The following MTR variants were observed in gnomAD, a reference collection of about 807,000 sequenced individuals.
The protein encoded by MTR is 5-methyltetrahydrofolate-homocysteine methyltransferase.
MTR carries 84 observed loss-of-function variants against 154.8 expected under a neutral mutation model. The observed-to-expected ratio is 0.54, with a 90% CI of 0.45 to 0.65. The LOEUF is 0.65. MTR is among the 30% of genes least tolerant of loss of function. The pLI is 0.00. For missense variants in MTR, 1,275 were observed against 1,570.2 expected (o/e 0.81, Z 3.18); for synonymous variants, 554 against 553.9 (o/e 1.00, Z 0.00).
In MTR at chr1:236,899,071, C is replaced by T. The variant is rs1386458797; in HGVS notation, c.*1427C>T. 6.6e-6 allele frequency: 1 copy of T among 152,130 alleles called. No homozygotes were observed. Among genetic ancestry groups the T allele is most frequent in the African/African-American group, 2.4e-5 (1 of 41,418 alleles). 9.4% of individuals were successfully genotyped at this position (152,130 alleles called of 1,614,324 possible). A position where few individuals can be genotyped will look rare whatever the true frequency, so the allele number is the denominator to read the frequency against. ...AGCAAGGGAGGAACAAATGAAGAAC[C>T]ATCTTTGTTCATGAATAGGAATATT... On this transcript the variant is annotated 3_prime_UTR_variant, in exon 33 of 33. Coordinates refer to ENST00000366577, the MANE Select transcript of MTR (RefSeq NM_000254.3).
In MTR at chr1:236,897,748, T is replaced by A; in HGVS notation, c.*104T>A. On this transcript the variant is annotated 3_prime_UTR_variant, in exon 33 of 33. Transcript: ENST00000366577. ...AACAAAAAACCTGTGTGCATCTGGC[T>A]GACACTTACCTGCTTCTGGTTTTCG... 1 of 1,008,984 alleles carries A rather than the reference T, an allele frequency of 9.9e-7. No homozygotes were observed. Among genetic ancestry groups the A allele is most frequent in the Non-Finnish European group, 1.5e-6 (1 of 648,836 alleles). 62.5% of individuals were successfully genotyped at this position (1,008,984 alleles called of 1,614,324 possible). A position where few individuals can be genotyped will look rare whatever the true frequency, so the allele number is the denominator to read the frequency against.
At position 236,903,398 on chromosome 1, in the gene MTR, T is replaced by C. The variant is rs1414310071; in HGVS notation, c.*5754T>C. The C allele has an allele frequency of 2.0e-5, 3 of 152,156 alleles. No individual in the cohort carries two copies. The highest frequency in any genetic ancestry group is 7.2e-5 in the African/African-American group (3 of 41,444). The allele number at this position is 152,156 out of a possible 1,614,324, so 9.4% of individuals were successfully genotyped here. ...TGAAGTAACCCCTAAACTCAGCCAG[T>C]CCCATGTTTTTTTAACACTTGGAAT... On this transcript the variant is annotated 3_prime_UTR_variant, in exon 33 of 33. Coordinates refer to ENST00000366577, the MANE Select transcript of MTR (RefSeq NM_000254.3).
At chr1:236,865,947 A>G (rs1259551457) in intron 22 of MTR, among the ~76,000 whole-genome samples, 2 of 152,216 alleles carry the variant, frequency 1.3e-5, no homozygotes, top group Non-Finnish European at 2.9e-5. Context: ...AGATTTCATC[A>G]TAGTCACATG....
chr1:236,887,685 C>T (rs3768147), intron 27 of MTR, among the ~76,000 whole-genome samples: 53,643 of 152,204 alleles, frequency 0.35, 10,264 homozygotes, highest in East Asian at 0.44. Flanking sequence ...CTGCAGGGTC[C>T]GCCCTGCTGC....
At chr1:236,810,885 G>A (rs780118501) in intron 5 of MTR, among the ~76,000 whole-genome samples, 2 of 152,186 alleles carry the variant, frequency 1.3e-5, no homozygotes, top group Non-Finnish European at 2.9e-5. Flanking sequence ...TGTAAACTCA[G>A]AAGTTGAACA....
chr1:236,827,238 C>T (rs535241218), intron 11 of MTR, among the ~76,000 whole-genome samples: 2 of 152,004 alleles, frequency 1.3e-5, no homozygotes, highest in Non-Finnish European at 2.9e-5. Flanking sequence ...ACTAACCCTG[C>T]CTGACGCCTT....
chr1:236,801,533 T>A (rs1660699171), intron 1 of MTR, among the ~76,000 whole-genome samples: 1 of 152,206 alleles, frequency 6.6e-6, no homozygotes, highest in African/African-American at 2.4e-5. Flanking sequence ...CAATACCAGC[T>A]TACAAATATT....
At chr1:236,826,945 G>A (rs746379137) in intron 11 of MTR, 49 bp downstream of exon 11, 2 of 1,516,562 alleles carry the variant, frequency 1.3e-6, no homozygotes, top group South Asian at 1.1e-5. Flanking sequence ...GGATAATCAG[G>A]TAATAATCTA....
intron 15 of MTR, among the ~76,000 whole-genome samples, chr1:236,838,986 A>C (rs973966268): frequency 6.6e-6 from 1 of 152,222 alleles, no homozygotes; most frequent in Admixed American, 6.5e-5. Flanking sequence ...AATGATATGT[A>C]TTTGTGTATC....
chr1:236,858,614 T>A (rs1162581209), intron 18 of MTR, among the ~76,000 whole-genome samples: 11 of 152,152 alleles, frequency 7.2e-5, no homozygotes, highest in Non-Finnish European at 2.9e-5. Context: ...GGAAGATGAA[T>A]CAGAGACCAG....
At chr1:236,881,831 T>C (rs1665752962) in intron 25 of MTR, among the ~76,000 whole-genome samples, 1 of 152,244 alleles carries the variant, frequency 6.6e-6, no homozygotes, top group Admixed American at 6.5e-5. Flanking sequence ...ACATGGATTT[T>C]ATTTAATCCT....
Position 236,880,747 on chromosome 1 carries a change from C to G in MTR, c.2595-8C>G, listed in dbSNP as rs1558334586. On this transcript the variant is annotated splice_region_variant and splice_polypyrimidine_tract_variant and intron_variant, in intron 24 of 32. Transcript: ENST00000366577. ...TGGATATATTTTCTTTCTGACCCTT[C>G]TTTTTAGAACCCACACAGCAGTTAA... 1 of 1,613,386 alleles carries G rather than the reference C, an allele frequency of 6.2e-7. No individual in the cohort carries two copies. The highest frequency in any genetic ancestry group is 8.5e-7 in the Non-Finnish European group (1 of 1,179,332).
At chr1:236,829,837 C>T (rs1662508509) in intron 12 of MTR, among the ~76,000 whole-genome samples, 1 of 152,148 alleles carries the variant, frequency 6.6e-6, no homozygotes, top group Admixed American at 6.5e-5. Context: ...CGTTAGTAAA[C>T]TAGGTCATCA....
chr1:236,902,571 TCATGAGG>T lies in MTR; in HGVS notation c.*4928_*4934del, dbSNP rs1666963702. 6.6e-6 allele frequency: 1 copy of T among 151,756 alleles called. No individual in the cohort carries two copies. The highest frequency in any genetic ancestry group is 2.4e-5 in the African/African-American group (1 of 41,410). The allele number at this position is 151,756 out of a possible 1,614,324, so 9.4% of individuals were successfully genotyped here. The stretch of plus-strand genomic sequence containing the variant: ...TGGATGGAGAGCAGACTGTAAAGCC[TCATGAGG>T]GCAGGGGCCCTGCCTCTTCCTGAGC... On this transcript the variant is annotated 3_prime_UTR_variant, in exon 33 of 33. Coordinates refer to ENST00000366577, the MANE Select transcript of MTR (RefSeq NM_000254.3).
intron 23 of MTR, among the ~76,000 whole-genome samples, chr1:236,874,446 G>A (rs543670297): frequency 6.6e-6 from 1 of 151,778 alleles, no homozygotes; most frequent in African/African-American, 2.4e-5. Context: ...TTGGTGGTGG[G>A]CACCTGTAAT....
In MTR at chr1:236,861,144, T is replaced by C. The variant is rs1290386215; in HGVS notation, c.2063T>C (p.Ile688Thr). The C allele has an allele frequency of 1.9e-6, 3 of 1,604,678 alleles. No homozygotes were observed. Among genetic ancestry groups the C allele is most frequent in the Non-Finnish European group, 2.5e-6 (3 of 1,176,866 alleles). ...TTTTAGGGCATTGAAAAACATATTA[T>C]TGAGGATACTGAGGAAGCCAGGTTA... ...ALVKGIEKHI[I>T]EDTEEARLNQ... The change falls in exon 20 of 33, where the codon ATT becomes ACT. Residue 688 changes from isoleucine to threonine, a missense_variant. By Grantham distance (89) the Ile-to-Thr change is moderately conservative (BLOSUM62 -1). Coordinates refer to ENST00000366577, the MANE Select transcript of MTR (RefSeq NM_000254.3).
Position 236,897,137 on chromosome 1 carries a change from T to C in MTR, c.3711+19T>C. The C allele has an allele frequency of 6.5e-7, 1 of 1,531,598 alleles. No individual in the cohort carries two copies. Among genetic ancestry groups the C allele is most frequent in the East Asian group, 2.2e-5 (1 of 44,482 alleles). 94.9% of individuals were successfully genotyped at this position (1,531,598 alleles called of 1,614,324 possible). A position where few individuals can be genotyped will look rare whatever the true frequency, so the allele number is the denominator to read the frequency against. On this transcript the variant is annotated intron_variant, in intron 32 of 32. Coordinates refer to ENST00000366577, the MANE Select transcript of MTR (RefSeq NM_000254.3). ...GGATCAGGTAAGCTAGCTGTTGCAT[T>C]ATATGTGGCTTGCCTAGTTCAAATG...
chr1:236,818,482 T>A (rs753157614), intron 8 of MTR, among the ~76,000 whole-genome samples: 76 of 152,234 alleles, frequency 5.0e-4, no homozygotes, highest in Admixed American at 1.2e-3. Flanking sequence ...AAATAATTTA[T>A]GTTTTTATTT....
At chr1:236,883,110 G>A (rs1665839662) in intron 25 of MTR, among the ~76,000 whole-genome samples, 1 of 152,182 alleles carries the variant, frequency 6.6e-6, no homozygotes, top group African/African-American at 2.4e-5. Context: ...AAAACGAGGT[G>A]CCAATATTTT....
Sources: gnomAD v4.1 joint callset for allele counts (sites outside exome capture counted in the v4.1 genomes callset) on GRCh38, gnomAD v4.1.1 for gene constraint, MANE v1.5 for transcripts, NCBI Gene and HGNC (gene_info 2026-07-23, HGNC 2026-07-21) for gene names.